Variants in FAM184A observed in about 807,000 individuals in gnomAD.
FAM184A encodes the protein family with sequence similarity 184 member A, also known as protein FAM184A.
A neutral mutation model predicts 143.8 loss-of-function variants in FAM184A; 99 were observed. The observed-to-expected ratio is 0.69, with a 90% CI of 0.58 to 0.81. The LOEUF is 0.81. Ranked by LOEUF, FAM184A falls within the 40% of genes least tolerant of loss-of-function variation. The probability of loss-of-function intolerance (pLI) is 0.00; values close to 1 mark genes in which losing one functional copy is unlikely to be tolerated. For missense variants in FAM184A, 1,217 were observed against 1,310.5 expected (o/e 0.93, Z 1.10); for synonymous variants, 427 against 446.4 (o/e 0.96, Z 0.55).
intron 11 of FAM184A, among the ~76,000 whole-genome samples, chr6:118,978,067 G>A (rs747883562): frequency 2.6e-5 from 4 of 152,078 alleles, no homozygotes; most frequent in Non-Finnish European, 4.4e-5. Context: ...AGATTCAAGC[G>A]ATTCTCCCGC....
At chr6:119,086,672 T>C (rs1788232265) in intron 1 of FAM184A, among the ~76,000 whole-genome samples, 1 of 152,168 alleles carries the variant, frequency 6.6e-6, no homozygotes, top group Non-Finnish European at 1.5e-5. Flanking sequence ...GGAAGGGGAC[T>C]TACATGCCTT....
At chr6:118,964,241 T>G (rs981590875) in intron 16 of FAM184A, among the ~76,000 whole-genome samples, 2 of 152,116 alleles carry the variant, frequency 1.3e-5, no homozygotes, top group African/African-American at 4.8e-5. Context: ...TGACGATTGG[T>G]AGGCAACAAA....
At chr6:119,108,280 C>T (rs1442167324) in intron 1 of FAM184A, among the ~76,000 whole-genome samples, 8 of 151,962 alleles carry the variant, frequency 5.3e-5, no homozygotes, top group Admixed American at 1.3e-4. Context: ...ACACTCTCAC[C>T]GAATAATTTT....
rs539622791 is a variant in FAM184A, at chr6:119,084,962, G to C, written c.-201-60149C>G. On this transcript the variant is annotated intron_variant, in intron 1 of 16. Coordinates refer to the FAM184A transcript ENST00000352896. ...GTCCTGAGGCTGCACAGGGCAGCAGGGTCCTGGGTGTGGCTCATGAAACCA... is the reference window on the plus strand; with the variant it reads ...GTCCTGAGGCTGCACAGGGCAGCAGCGTCCTGGGTGTGGCTCATGAAACCA... Among the ~76,000 whole-genome samples the C allele has an allele frequency of 1.1e-4, 16 of 152,338 alleles. No individual in the cohort carries two copies. In the East Asian group the frequency reaches 2.9e-3, roughly 28 times the overall value.
intron 1 of FAM184A, among the ~76,000 whole-genome samples, chr6:119,098,892 C>A (rs537919833): frequency 6.6e-6 from 1 of 152,232 alleles, no homozygotes; most frequent in Admixed American, 6.5e-5. Context: ...GGTGGATCAC[C>A]TGAAGTCAAG....
chr6:119,079,184 G>C (rs1340285493), upstream of FAM184A: 1 of 152,386 alleles, frequency 6.6e-6, no homozygotes, highest in Admixed American at 6.6e-5. Context: ...ACAAGTGACC[G>C]TGACACTGTC....
In FAM184A at chr6:119,016,868, T is replaced by G; in HGVS notation, c.1409A>C (p.Glu470Ala). 6.2e-7 allele frequency: 1 copy of G among 1,614,082 alleles called. No individual in the cohort carries two copies. Among genetic ancestry groups the G allele is most frequent in the Non-Finnish European group, 8.5e-7 (1 of 1,179,906 alleles). Residue 470 changes from glutamate (E) to alanine (A), a missense_variant, in exon 5 of 18, where the codon GAG (glutamate) becomes GCG (alanine). Transcript: ENST00000338891. ...ELKNLQSRLEEEVTQLNEAHS... is the reference protein window; with the variant it reads ...ELKNLQSRLEAEVTQLNEAHS... ...GGCCTCGTTTAATTGAGTCACCTCC[T>G]CTTCCAATCTACTTTGCAGGTTTTT...
chr6:119,135,564 T>C (rs1789640007), intron 1 of FAM184A, among the ~76,000 whole-genome samples: 1 of 152,240 alleles, frequency 6.6e-6, no homozygotes, highest in Non-Finnish European at 1.5e-5. Context: ...ATGAATGTTC[T>C]TAAATATTCA....
At chr6:118,977,328 T>A (rs374923329) in intron 11 of FAM184A, among the ~76,000 whole-genome samples, 1 of 152,208 alleles carries the variant, frequency 6.6e-6, no homozygotes, top group East Asian at 1.9e-4. Flanking sequence ...ACACCTGTAA[T>A]CCCAGCACTT....
chr6:119,126,430 G>A (rs1354992930), intron 1 of FAM184A, among the ~76,000 whole-genome samples: 1 of 152,236 alleles, frequency 6.6e-6, no homozygotes, highest in Non-Finnish European at 1.5e-5. Context: ...GGGCACTGGA[G>A]CTAGCTAGCT....
At chr6:119,115,795 T>A (rs1343703439) in intron 1 of FAM184A, among the ~76,000 whole-genome samples, 2 of 141,424 alleles carry the variant, frequency 1.4e-5, no homozygotes, top group Non-Finnish European at 3.1e-5. Context: ...AAACCCCATC[T>A]CTACTAAAAA....
chr6:118,965,216 T>G (rs1291496263), intron 15 of FAM184A, among the ~76,000 whole-genome samples: 2 of 150,592 alleles, frequency 1.3e-5, no homozygotes, highest in Non-Finnish European at 3.0e-5. Context: ...TTTTTTTTTT[T>G]TTTTTGGTGT....
chr6:119,019,062 G>A (rs1181871331), intron 4 of FAM184A, among the ~76,000 whole-genome samples: 1 of 152,172 alleles, frequency 6.6e-6, no homozygotes, highest in African/African-American at 2.4e-5. Context: ...TGGACCTAAA[G>A]ATTTAGAAGC....
intron 3 of FAM184A, among the ~76,000 whole-genome samples, chr6:119,021,489 G>A (rs1785447021): frequency 6.6e-6 from 1 of 152,144 alleles, no homozygotes; most frequent in Non-Finnish European, 1.5e-5. Flanking sequence ...CAACTAATTT[G>A]AGCACTTTAA....
chr6:119,003,178 T>C (rs1784818506), intron 8 of FAM184A, 129 bp from the exon 9 acceptor site: 2 of 843,332 alleles, frequency 2.4e-6, no homozygotes, highest in Non-Finnish European at 3.5e-6. Flanking sequence ...GGAAAGCAGA[T>C]TATTTACTTA....
chr6:119,122,087 C>G (rs1253368737), intron 1 of FAM184A, among the ~76,000 whole-genome samples: 1 of 152,106 alleles, frequency 6.6e-6, no homozygotes, highest in Non-Finnish European at 1.5e-5. Context: ...TTTAGTGCAA[C>G]TCTTTTCTAT....
At chr6:119,013,924 CGTAA>C (rs765872080) in intron 5 of FAM184A, among the ~76,000 whole-genome samples, 6 of 152,070 alleles carry the variant, frequency 3.9e-5, no homozygotes, top group Non-Finnish European at 1.5e-5. Flanking sequence ...ATCTCCAAGT[CGTAA>C]GTATTAAGGT....
chr6:119,023,903 CA>C (rs1785540091), intron 2 of FAM184A, 55 bp downstream of exon 2: 2 of 1,455,718 alleles, frequency 1.4e-6, no homozygotes, highest in African/African-American at 1.4e-5. Context: ...GCCTACAAAA[CA>C]AATATTTTTA....
At chr6:119,062,291 C>T (rs1050280912) in intron 1 of FAM184A, among the ~76,000 whole-genome samples, 28 of 152,274 alleles carry the variant, frequency 1.8e-4, no homozygotes, top group African/African-American at 6.7e-4. Context: ...ACGCACAATA[C>T]ACTTTTCAGT....
Sources: gnomAD v4.1 joint callset for allele counts (sites outside exome capture counted in the v4.1 genomes callset) on GRCh38, gnomAD v4.1.1 for gene constraint, MANE v1.5 for transcripts, NCBI Gene and HGNC (gene_info 2026-07-23, HGNC 2026-07-21) for gene names.